The following NXN variants were observed in gnomAD, a reference collection of about 807,000 sequenced individuals.
NXN encodes nucleoredoxin, also known as nucleoredoxin 1.
Under a neutral mutation model 48.6 loss-of-function variants are expected in NXN, and 16 were observed. That is an observed-to-expected ratio of 0.33 (90% CI 0.22 to 0.50). The LOEUF (loss-of-function observed/expected upper bound fraction) is 0.50, where lower values mean the gene tolerates loss of function less well. NXN is among the 20% of genes least tolerant of loss of function. The probability of loss-of-function intolerance (pLI) is 0.98; values close to 1 mark genes in which losing one functional copy is unlikely to be tolerated. For synonymous variants in NXN, 281 were observed against 269.6 expected, an observed-to-expected ratio of 1.04 and a Z score of -0.41; for missense variants, 492 against 605.5, an observed-to-expected ratio of 0.81 and a Z score of 1.97.
rs79034992 is a variant in NXN at position 807,039 on chromosome 17, C to T, written c.821-1792G>A. 4.1e-4 allele frequency among the ~76,000 whole-genome samples: 62 copies of T among 152,306 alleles called. No homozygotes were observed. The East Asian group carries it at 8.1e-3, about 20-fold the overall frequency. On this transcript the variant is annotated intron_variant, in intron 5 of 7. Transcript: ENST00000336868. Reference sequence around the variant, plus strand: ...GTGCCCGAGGAGCTGTGTGTGCTGCCGCACAAGAAACCTGGGCATTTCCAG... The same window carrying T: ...GTGCCCGAGGAGCTGTGTGTGCTGCTGCACAAGAAACCTGGGCATTTCCAG...
intron 1 of NXN, among the ~76,000 whole-genome samples, chr17:837,133 A>G (rs1440702725): frequency 6.6e-6 from 1 of 152,078 alleles, no homozygotes; most frequent in African/African-American, 2.4e-5. Context: ...GCACACCACC[A>G]TGCCTCACTA....
chr17:832,966 C>T (rs1913574415), intron 1 of NXN, among the ~76,000 whole-genome samples: 1 of 152,186 alleles, frequency 6.6e-6, no homozygotes, highest in Non-Finnish European at 1.5e-5. Context: ...TCTCAGTTCA[C>T]TGCAAGCTCC....
rs927076813 is a variant in NXN at position 919,867 on chromosome 17, C to A, written c.360+59452G>T. On this transcript the variant is annotated intron_variant, in intron 1 of 7. Coordinates refer to ENST00000336868, the MANE Select transcript of NXN (RefSeq NM_022463.5). This position sits in a 1 kb window ranked among gnomAD's most constrained non-coding sequence, Gnocchi z 5.1. ...CTCATCTAGCTACATAGCTACACCT[C>A]CCTCTTGTCACCTTGCAGACTGGTA... is the stretch of plus-strand genomic sequence containing the variant. Among the ~76,000 whole-genome samples, 1 of 152,170 alleles carries A rather than the reference C, an allele frequency of 6.6e-6. No homozygotes were observed. Among genetic ancestry groups the A allele is most frequent in the Non-Finnish European group, 1.5e-5 (1 of 68,036 alleles).
intron 1 of NXN, among the ~76,000 whole-genome samples, chr17:847,507 T>C (rs371462638): frequency 4.6e-5 from 7 of 152,162 alleles, no homozygotes; most frequent in South Asian, 4.1e-4. Flanking sequence ...ACAGCGGTAA[T>C]GTCACCTCAC....
At chr17:869,417 C>G (rs565266385) in intron 1 of NXN, among the ~76,000 whole-genome samples, 4 of 152,254 alleles carry the variant, frequency 2.6e-5, no homozygotes, top group Admixed American at 1.3e-4. Flanking sequence ...CCTGACACAT[C>G]TCTGCTCCGA....
At chr17:891,775 T>C (rs1257484852) in intron 1 of NXN, among the ~76,000 whole-genome samples, 1 of 151,314 alleles carries the variant, frequency 6.6e-6, no homozygotes, top group Admixed American at 6.6e-5. Flanking sequence ...AACCCCACCA[T>C]GCAGAACCCA....
At chr17:817,548 G>A (rs1024223954) in intron 5 of NXN, among the ~76,000 whole-genome samples, 42 of 152,022 alleles carry the variant, frequency 2.8e-4, no homozygotes, top group African/African-American at 9.2e-4. Flanking sequence ...GGGTGCCTGT[G>A]GTCCCAGCTA....
chr17:961,858 G>A (rs1318519652), intron 1 of NXN, among the ~76,000 whole-genome samples: 3 of 152,172 alleles, frequency 2.0e-5, no homozygotes, highest in Admixed American at 2.0e-4. Context: ...ACATTAGCTG[G>A]GTGCAGTGGC....
chr17:899,805 G>A (rs1001802111), intron 1 of NXN, among the ~76,000 whole-genome samples: 22 of 152,268 alleles, frequency 1.4e-4, no homozygotes, highest in African/African-American at 5.3e-4. Flanking sequence ...CAGGAGGATA[G>A]CCTGAGCCCA....
chr17:800,882 C>G lies in NXN; in HGVS notation c.*67G>C. 1.7e-6 allele frequency: 2 copies of G among 1,190,122 alleles called. No individual in the cohort carries two copies. The highest frequency in any genetic ancestry group is 2.2e-6 in the Non-Finnish European group (2 of 897,806). The allele number at this position is 1,190,122 out of a possible 1,614,324, so 73.7% of individuals were successfully genotyped here. ...GGGGCACGCTGGGTAAGTCCAAGGG[C>G]GGAAGGAAGGAGGGGGAGGAGGAGA... On this transcript the variant is annotated 3_prime_UTR_variant, in exon 8 of 8. Coordinates refer to ENST00000336868, the MANE Select transcript of NXN (RefSeq NM_022463.5).
At chr17:870,760 A>G (rs1415539537) in intron 1 of NXN, among the ~76,000 whole-genome samples, 1 of 151,750 alleles carries the variant, frequency 6.6e-6, no homozygotes, top group Non-Finnish European at 1.5e-5. Flanking sequence ...GTCTGGAAAA[A>G]AAAAAAAAAA....
chr17:908,631 C>T (rs1200368287), intron 1 of NXN, among the ~76,000 whole-genome samples: 3 of 152,168 alleles, frequency 2.0e-5, no homozygotes, highest in Non-Finnish European at 4.4e-5. Context: ...GGATCCCAAA[C>T]ATGTACCAAA....
intron 1 of NXN, among the ~76,000 whole-genome samples, chr17:871,063 G>A (rs751598734): frequency 2.6e-5 from 4 of 151,934 alleles, no homozygotes; most frequent in Non-Finnish European, 5.9e-5. Context: ...GGGTTTCACT[G>A]TGTTGGCCAG....
At chr17:947,503 T>A (rs1404387919) in intron 1 of NXN, among the ~76,000 whole-genome samples, 1 of 151,018 alleles carries the variant, frequency 6.6e-6, no homozygotes, top group Non-Finnish European at 1.5e-5. Context: ...GAGGCCGAGG[T>A]GGGCGGATCA....
chr17:916,898 TA>T (rs1230756312), intron 1 of NXN, among the ~76,000 whole-genome samples: 5 of 151,408 alleles, frequency 3.3e-5, no homozygotes, highest in Admixed American at 6.6e-5. Context: ...ACTTCATCTC[TA>T]AAAAAAAATT....
Position 979,602 on chromosome 17 carries a change from A to G in NXN, c.77T>C (p.Leu26Pro). 6.9e-7 allele frequency: 1 copy of G among 1,456,354 alleles called. No homozygotes were observed. The highest frequency in any genetic ancestry group is 2.3e-5 in the Admixed American group (1 of 43,726). The allele number at this position is 1,456,354 out of a possible 1,614,324, so 90.2% of individuals were successfully genotyped here. ...CAGCAGCGAGATGCCGCGGGCGCCCAGCGAGTGCACGTCCACCTCCTCGCC... is the reference window on the plus strand; with the variant it reads ...CAGCAGCGAGATGCCGCGGGCGCCCGGCGAGTGCACGTCCACCTCCTCGCC... ...GGGEEVDVHS[L>P]GARGISLLGL... The change falls in exon 1 of 8, where the codon CTG becomes CCG. Residue 26 changes from leucine to proline, a missense_variant. Transcript: ENST00000336868.
chr17:911,643 T>G (rs2068637848), intron 1 of NXN, among the ~76,000 whole-genome samples: 1 of 151,934 alleles, frequency 6.6e-6, no homozygotes, highest in Non-Finnish European at 1.5e-5. Context: ...TTTGTATTTT[T>G]AGTAGAGATG....
chr17:957,359 C>A (rs561025374), intron 1 of NXN, among the ~76,000 whole-genome samples: 1 of 152,078 alleles, frequency 6.6e-6, no homozygotes, highest in African/African-American at 2.4e-5. Flanking sequence ...CTGGGCCGGG[C>A]GCAGGGGCTC....
At chr17:901,521 G>A (rs775692839) in intron 1 of NXN, among the ~76,000 whole-genome samples, 4 of 152,152 alleles carry the variant, frequency 2.6e-5, no homozygotes, top group Admixed American at 2.0e-4. Context: ...TGAAAAGCAC[G>A]GGATCTACCT....
Sources: gnomAD v4.1 joint callset for allele counts (sites outside exome capture counted in the v4.1 genomes callset) on GRCh38, gnomAD v4.1.1 for gene constraint, Gnocchi (gnomAD v3.1) non-coding constraint, MANE v1.5 for transcripts, NCBI Gene and HGNC (gene_info 2026-07-23, HGNC 2026-07-21) for gene names.